The following MPPED2 variants were observed in gnomAD, a reference collection of about 807,000 sequenced individuals.
MPPED2 encodes metallophosphoesterase MPPED2.
Under a neutral mutation model 33.0 loss-of-function variants are expected in MPPED2, and 5 were observed. The observed-to-expected ratio is 0.15, with a 90% CI of 0.08 to 0.32. The LOEUF (loss-of-function observed/expected upper bound fraction) is 0.32. Among genes scored for constraint, MPPED2 ranks in the 10% least tolerant of loss-of-function variants. The pLI, the probability that MPPED2 is intolerant of heterozygous loss-of-function variation, is 1.00. For missense variants in MPPED2, 275 were observed against 372.1 expected (o/e 0.74, Z 2.15); for synonymous variants, 136 against 141.9 (o/e 0.96, Z 0.29).
At chr11:30,448,436 C>T (rs538823463) in intron 4 of MPPED2, among the ~76,000 whole-genome samples, 1 of 152,304 alleles carries the variant, frequency 6.6e-6, no homozygotes, top group East Asian at 1.9e-4. Context: ...TATCTATGGT[C>T]TGAAGCCCAG....
chr11:30,567,812 T>C (rs1051557702), intron 2 of MPPED2, among the ~76,000 whole-genome samples: 5 of 152,216 alleles, frequency 3.3e-5, no homozygotes, highest in African/African-American at 1.2e-4. Context: ...GACACATCAC[T>C]GAGAGTTACA....
At chr11:30,542,956 T>C (rs1450933115) in intron 2 of MPPED2, among the ~76,000 whole-genome samples, 1 of 152,194 alleles carries the variant, frequency 6.6e-6, no homozygotes, top group Non-Finnish European at 1.5e-5. Context: ...ACCATTAATA[T>C]CTAGAGAGAC....
chr11:30,467,235 G>A (rs112087916), intron 4 of MPPED2, among the ~76,000 whole-genome samples: 24 of 152,276 alleles, frequency 1.6e-4, no homozygotes, highest in African/African-American at 5.8e-4. Context: ...TGGAGACAGG[G>A]GTGAGGGTGA....
At chr11:30,519,519 C>T (rs969986689) in intron 3 of MPPED2, among the ~76,000 whole-genome samples, 2 of 151,336 alleles carry the variant, frequency 1.3e-5, no homozygotes, top group African/African-American at 4.9e-5. Flanking sequence ...TGCTAGGATA[C>T]ACATATATAT....
At chr11:30,557,965 AT>A (rs1956061166) in intron 2 of MPPED2, among the ~76,000 whole-genome samples, 1 of 152,288 alleles carries the variant, frequency 6.6e-6, no homozygotes, top group South Asian at 2.1e-4. Flanking sequence ...GAAGATATAA[AT>A]AAATACGAGT....
intron 2 of MPPED2, among the ~76,000 whole-genome samples, chr11:30,577,678 G>T (rs541735712): frequency 8.2e-4 from 125 of 152,272 alleles, no homozygotes; most frequent in African/African-American, 2.4e-3. Flanking sequence ...ACCTACCATA[G>T]GTCAGTCACT....
chr11:30,544,528 A>T (rs1369496100), intron 2 of MPPED2, among the ~76,000 whole-genome samples: 1 of 152,180 alleles, frequency 6.6e-6, no homozygotes, highest in African/African-American at 2.4e-5. Flanking sequence ...TTACTATTCA[A>T]CAAATGCTTA....
chr11:30,530,494 G>A (rs1216285736), intron 3 of MPPED2, among the ~76,000 whole-genome samples: 3 of 152,208 alleles, frequency 2.0e-5, no homozygotes, highest in African/African-American at 7.2e-5. Flanking sequence ...ACAGACTGGT[G>A]ACTGATGTGT....
intron 4 of MPPED2, among the ~76,000 whole-genome samples, chr11:30,426,523 G>A (rs1274592117): frequency 2.0e-5 from 3 of 152,182 alleles, no homozygotes; most frequent in Non-Finnish European, 2.9e-5. Context: ...AAAGCCCAGT[G>A]AGGATGGGCT....
chr11:30,414,011 C>G (rs1590178264), intron 6 of MPPED2, among the ~76,000 whole-genome samples: 1 of 152,150 alleles, frequency 6.6e-6, no homozygotes, highest in Non-Finnish European at 1.5e-5. Context: ...GTTAGTAGAC[C>G]AGACGTGCTT....
At chr11:30,554,420 C>A (rs576384113) in intron 2 of MPPED2, among the ~76,000 whole-genome samples, 1 of 152,152 alleles carries the variant, frequency 6.6e-6, no homozygotes, top group Non-Finnish European at 1.5e-5. Context: ...GAAGGGTAGT[C>A]TCCTGTTTTA....
intron 2 of MPPED2, among the ~76,000 whole-genome samples, chr11:30,578,539 A>G (rs1425418153): frequency 1.3e-5 from 2 of 152,228 alleles, no homozygotes; most frequent in Admixed American, 6.5e-5. Context: ...GTGCATTCAC[A>G]GTTCGCCAGT....
intron 4 of MPPED2, among the ~76,000 whole-genome samples, chr11:30,470,373 C>T (rs1465870414): frequency 6.6e-6 from 1 of 152,042 alleles, no homozygotes; most frequent in East Asian, 1.9e-4. Flanking sequence ...GTCCAGAATA[C>T]TCAAACATAT....
chr11:30,392,864 A>AT (rs1237878352), intron 6 of MPPED2, among the ~76,000 whole-genome samples: 1 of 152,216 alleles, frequency 6.6e-6, no homozygotes, highest in Non-Finnish European at 1.5e-5. Flanking sequence ...CTATTTTAAA[A>AT]TGTGCTCAGG....
chr11:30,478,281 C>A (rs184376060), intron 4 of MPPED2, among the ~76,000 whole-genome samples: 27 of 152,114 alleles, frequency 1.8e-4, no homozygotes, highest in African/African-American at 5.3e-4. Flanking sequence ...GAGAAACCCA[C>A]AGTAACTTTT....
Position 30,564,378 on chromosome 11 carries a change from A to C in MPPED2, c.128+15868T>G, listed in dbSNP as rs116937981. Among the ~76,000 whole-genome samples the C allele has an allele frequency of 1.2e-3, 188 of 152,278 alleles. 1 individual carries two copies. The East Asian group carries it at 0.014, about 11-fold the overall frequency. ...ACACCAAATGAAACACTTCTATAGA[A>C]CTTACTACGTCCCCAGAAAATTTGG... On this transcript the variant is annotated intron_variant, in intron 2 of 6. Transcript: ENST00000358117.
intron 4 of MPPED2, among the ~76,000 whole-genome samples, chr11:30,425,904 A>C (rs1261565567): frequency 6.6e-6 from 1 of 152,210 alleles, no homozygotes; most frequent in Non-Finnish European, 1.5e-5. Flanking sequence ...AGAGAAGTAG[A>C]CGTAAAGAAA....
At chr11:30,510,678 A>G (rs1953121018) in intron 3 of MPPED2, among the ~76,000 whole-genome samples, 1 of 152,198 alleles carries the variant, frequency 6.6e-6, no homozygotes, top group Admixed American at 6.5e-5. Context: ...AATGGTGAAA[A>G]TGAAGAGTGA....
intron 2 of MPPED2, among the ~76,000 whole-genome samples, chr11:30,544,249 T>A (rs1456338827): frequency 6.6e-6 from 1 of 152,166 alleles, no homozygotes; most frequent in Non-Finnish European, 1.5e-5. Context: ...TGGAGATGTA[T>A]TGTCCAGGGT....
Sources: gnomAD v4.1 joint callset for allele counts (sites outside exome capture counted in the v4.1 genomes callset) on GRCh38, gnomAD v4.1.1 for gene constraint, MANE v1.5 for transcripts, NCBI Gene and HGNC (gene_info 2026-07-23, HGNC 2026-07-21) for gene names.